The following GRB10 variants were observed in gnomAD, a reference collection of about 807,000 sequenced individuals.
The protein encoded by GRB10 is growth factor receptor bound protein 10.
A neutral mutation model predicts 80.9 loss-of-function variants in GRB10; 20 were observed. The observed-to-expected ratio is 0.25, with a 90% CI of 0.17 to 0.36. The LOEUF is 0.36. GRB10 is among the 10% of genes least tolerant of loss of function. The probability of loss-of-function intolerance (pLI) is 1.00; values close to 1 mark genes in which losing one functional copy is unlikely to be tolerated. For missense variants in GRB10, 548 were observed against 747.7 expected, an observed-to-expected ratio of 0.73 and a Z score of 3.12; for synonymous variants, 291 against 291.5, an observed-to-expected ratio of 1.00 and a Z score of 0.02.
At chr7:50,652,576 G>A (rs1446789676) in intron 7 of GRB10, among the ~76,000 whole-genome samples, 2 of 152,138 alleles carry the variant, frequency 1.3e-5, no homozygotes, top group African/African-American at 4.8e-5. Flanking sequence ...ACCAGAGAAA[G>A]AGACAAGCCA....
chr7:50,622,978 T>C (rs2052130228), intron 8 of GRB10, among the ~76,000 whole-genome samples: 1 of 152,148 alleles, frequency 6.6e-6, no homozygotes, highest in African/African-American at 2.4e-5. Flanking sequence ...TAAAATATAA[T>C]TTGTTTACTT....
intron 7 of GRB10, among the ~76,000 whole-genome samples, chr7:50,657,487 G>C (rs1350202646): frequency 6.6e-6 from 1 of 152,152 alleles, no homozygotes; most frequent in East Asian, 1.9e-4. Context: ...AAAAAGAGAG[G>C]AATGTGCGCC....
intron 3 of GRB10, among the ~76,000 whole-genome samples, chr7:50,755,620 A>T (rs2074958601): frequency 1.3e-5 from 2 of 152,042 alleles, no homozygotes; most frequent in African/African-American, 4.8e-5. Flanking sequence ...CCGCGAGGAG[A>T]GTGTGCGCAG....
intron 7 of GRB10, among the ~76,000 whole-genome samples, chr7:50,650,610 C>T (rs1483537063): frequency 2.0e-5 from 3 of 152,154 alleles, no homozygotes; most frequent in Non-Finnish European, 4.4e-5. Context: ...AGTGGTGGCC[C>T]TGGGAAGATG....
chr7:50,743,030 T>A (rs1234033270), intron 3 of GRB10, among the ~76,000 whole-genome samples: 2 of 151,992 alleles, frequency 1.3e-5, no homozygotes, highest in Admixed American at 6.6e-5. Flanking sequence ...TTCCTGCCTT[T>A]AAAAAAAATA....
chr7:50,751,655 T>C (rs2074128583), intron 3 of GRB10, among the ~76,000 whole-genome samples: 1 of 152,244 alleles, frequency 6.6e-6, no homozygotes, highest in African/African-American at 2.4e-5. Flanking sequence ...GTTTCACATA[T>C]GTCAAAATGC....
At chr7:50,714,654 C>T (rs544060148) in intron 4 of GRB10, among the ~76,000 whole-genome samples, 1 of 118,066 alleles carries the variant, frequency 8.5e-6, no homozygotes, top group Non-Finnish European at 1.7e-5. Flanking sequence ...CATAGCGAGA[C>T]TCTGTCTCAA....
At chr7:50,742,271 G>GCGCGCGCGCGCGCACACA (rs1189043181) in intron 3 of GRB10, among the ~76,000 whole-genome samples, 1 of 46,866 alleles carries the variant, frequency 2.1e-5, no homozygotes, top group African/African-American at 6.1e-5. Context: ...ACGCGCGCGC[G>GCGCGCGCGCGCGCACACA]CACACACACA....
intron 3 of GRB10, among the ~76,000 whole-genome samples, chr7:50,735,872 A>AAAAAC (rs555893091): frequency 5.2e-3 from 789 of 152,292 alleles, no homozygotes; most frequent in Middle Eastern, 0.017. Flanking sequence ...CTACAGGAAA[A>AAAAAC]AAAACAAAAC....
chr7:50,714,278 C>A (rs1294189850), intron 4 of GRB10, among the ~76,000 whole-genome samples: 1 of 152,144 alleles, frequency 6.6e-6, no homozygotes, highest in Admixed American at 6.5e-5. Flanking sequence ...TCTAAACTAC[C>A]CACTTAATAA....
intron 5 of GRB10, among the ~76,000 whole-genome samples, chr7:50,701,836 G>C (rs758700548): frequency 2.6e-5 from 4 of 152,118 alleles, no homozygotes; most frequent in Admixed American, 2.0e-4. Flanking sequence ...ATAGTTTCTT[G>C]CCTTGTCTTA....
Position 50,690,856 on chromosome 7 carries a change from C to T in GRB10, c.139+12965G>A, listed in dbSNP as rs184232126. Among the ~76,000 whole-genome samples, 49 of 152,270 alleles carry T rather than the reference C, an allele frequency of 3.2e-4. 1 individual carries two copies. The East Asian group carries it at 9.1e-3, about 28-fold the overall frequency. ...CAATTATCTGCCAAAGGGGACCAGA[C>T]AAAAGAGTGGCGTGAACTGTCAGAG... On this transcript the variant is annotated intron_variant, in intron 5 of 18. Transcript: ENST00000401949.
rs545272226 is a variant in GRB10, at chr7:50,687,713, T to A, written c.140-13055A>T. Among the ~76,000 whole-genome samples, 9 of 152,268 alleles carry A rather than the reference T, an allele frequency of 5.9e-5. No individual in the cohort carries two copies. The South Asian group carries it at 1.7e-3, about 28-fold the overall frequency. Reference sequence around the variant, plus strand: ...TCTAAGGCACAGCAGCTGCCCATGATGTAAGGTCAGTCTCCCCCTCAGTAC... The same window carrying A: ...TCTAAGGCACAGCAGCTGCCCATGAAGTAAGGTCAGTCTCCCCCTCAGTAC... On this transcript the variant is annotated intron_variant, in intron 5 of 18. Coordinates refer to ENST00000401949, the MANE Select transcript of GRB10 (RefSeq NM_001350814.2).
At chr7:50,785,643 G>A (rs1283884757), upstream of GRB10, among the ~76,000 whole-genome samples, 2 of 152,224 alleles carry the variant, frequency 1.3e-5, no homozygotes, top group Non-Finnish European at 1.5e-5. Context: ...ACTGCCCACC[G>A]CGGGCACCCC....
intron 13 of GRB10, among the ~76,000 whole-genome samples, chr7:50,611,033 G>A (rs184376474): frequency 6.6e-6 from 1 of 151,644 alleles, no homozygotes. Context: ...TTCATTTGCA[G>A]ATTAAAATTT....
chr7:50,729,262 T>A (rs79566729), intron 4 of GRB10: 1 of 152,232 alleles, frequency 6.6e-6, no homozygotes, highest in Non-Finnish European at 1.5e-5. Flanking sequence ...AATAAAAACA[T>A]TGCTTTTGGA....
intron 1 of GRB10, chr7:50,781,362 C>T (rs2078253890): frequency 6.6e-6 from 1 of 152,270 alleles, no homozygotes; most frequent in Admixed American, 6.5e-5. Flanking sequence ...CCCTGCCCAC[C>T]ACCTCCCCTG....
chr7:50,625,535 G>A (rs1161138484), intron 8 of GRB10, among the ~76,000 whole-genome samples: 1 of 152,156 alleles, frequency 6.6e-6, no homozygotes, highest in Non-Finnish European at 1.5e-5. Context: ...ACTCATGGAC[G>A]TCCCAAGCTG....
intron 4 of GRB10, among the ~76,000 whole-genome samples, chr7:50,707,795 G>A (rs990614963): frequency 2.6e-5 from 4 of 152,162 alleles, no homozygotes; most frequent in Non-Finnish European, 4.4e-5. Context: ...CCTGCAAGGA[G>A]CCCTAAGGCC....
Sources: gnomAD v4.1 joint callset for allele counts (sites outside exome capture counted in the v4.1 genomes callset) on GRCh38, gnomAD v4.1.1 for gene constraint, MANE v1.5 for transcripts, NCBI Gene and HGNC (gene_info 2026-07-23, HGNC 2026-07-21) for gene names.